The following CCDC141 variants were observed in gnomAD, a reference collection of about 807,000 sequenced individuals.
The protein encoded by CCDC141 is coiled-coil domain-containing protein 141.
In CCDC141, 168 loss-of-function variants were observed where a neutral mutation model predicts 181.0. The observed-to-expected ratio is 0.93, with a 90% CI of 0.82 to 1.05. The LOEUF (loss-of-function observed/expected upper bound fraction) is 1.05, where lower values mean the gene tolerates loss of function less well. Ranked by LOEUF, CCDC141 falls within the 50% of genes least tolerant of loss-of-function variation. CCDC141 has a pLI of 0.00. For synonymous variants in CCDC141, 666 were observed against 642.3 expected (o/e 1.04, Z -0.56); for missense variants, 1,902 against 1,788.5 (o/e 1.06, Z -1.14).
At chr2:178,856,154 G>A (rs1376704327) in intron 18 of CCDC141, 103 bp downstream of exon 18, 7 of 1,065,164 alleles carry the variant, frequency 6.6e-6, no homozygotes, top group African/African-American at 6.3e-5. Context: ...GCTACAAAAA[G>A]CCAGAGTTAG....
chr2:178,849,211 C>A (rs1016422548), intron 21 of CCDC141, among the ~76,000 whole-genome samples: 3 of 152,174 alleles, frequency 2.0e-5, no homozygotes, highest in Non-Finnish European at 2.9e-5. Context: ...ACCACTAGGC[C>A]TCAATAACAA....
intron 3 of CCDC141, among the ~76,000 whole-genome samples, chr2:178,976,465 A>C (rs1691128226): frequency 6.6e-6 from 1 of 152,200 alleles, no homozygotes; most frequent in African/African-American, 2.4e-5. Context: ...GATGAGAGAG[A>C]GACTGAAGAG....
intron 11 of CCDC141, among the ~76,000 whole-genome samples, chr2:178,880,693 A>G (rs1686561662): frequency 6.6e-6 from 1 of 152,224 alleles, no homozygotes; most frequent in South Asian, 2.1e-4. Flanking sequence ...TCCCACATTT[A>G]CAAAATGGGG....
At chr2:179,000,144 A>G (rs2041925410) in intron 2 of CCDC141, among the ~76,000 whole-genome samples, 2 of 151,994 alleles carry the variant, frequency 1.3e-5, no homozygotes, top group Non-Finnish European at 2.9e-5. Flanking sequence ...ACTATGGCTT[A>G]TGATCCAAAT....
At chr2:178,937,480 C>T (rs1181095109) in intron 6 of CCDC141, among the ~76,000 whole-genome samples, 3 of 152,092 alleles carry the variant, frequency 2.0e-5, no homozygotes, top group Admixed American at 2.0e-4. Context: ...ATGTGCTGTT[C>T]AATTTGGTTT....
At chr2:178,948,269 A>T (rs1023732802) in intron 5 of CCDC141, among the ~76,000 whole-genome samples, 3 of 152,118 alleles carry the variant, frequency 2.0e-5, no homozygotes, top group African/African-American at 7.2e-5. Context: ...GGGTTAATTT[A>T]AAAATATTAT....
chr2:178,862,278 A>T (rs1308298988), intron 17 of CCDC141, among the ~76,000 whole-genome samples: 5 of 152,210 alleles, frequency 3.3e-5, no homozygotes, highest in Admixed American at 1.3e-4. Flanking sequence ...ATTATCTGGA[A>T]GTTCTATGTG....
intron 5 of CCDC141, among the ~76,000 whole-genome samples, chr2:178,952,371 A>C (rs1689984866): frequency 6.6e-6 from 1 of 152,266 alleles, no homozygotes; most frequent in African/African-American, 2.4e-5. Context: ...ATTTTAAAAT[A>C]TATAATATTT....
intron 2 of CCDC141, among the ~76,000 whole-genome samples, chr2:179,026,796 T>C (rs954368133): frequency 2.6e-5 from 4 of 152,188 alleles, no homozygotes; most frequent in African/African-American, 7.2e-5. Context: ...CCAAAGACCA[T>C]GGGAACCCAC....
In CCDC141 at chr2:178,831,906, C is replaced by A. The variant is rs1353007356; in HGVS notation, c.*2267G>T. On this transcript the variant is annotated 3_prime_UTR_variant, in exon 24 of 24. Transcript: ENST00000443758. ...TCTCTCTAAAAATGGATTTTGCATG[C>A]TTTTTTCCATCATAACCATGGATGC... 3 of 151,700 alleles carry A rather than the reference C, an allele frequency of 2.0e-5. No individual in the cohort carries two copies. The highest frequency in any genetic ancestry group is 4.8e-5 in the African/African-American group (2 of 41,266). 9.4% of individuals were successfully genotyped at this position (151,700 alleles called of 1,614,324 possible).
At chr2:179,012,117 T>C (rs1020236574) in intron 2 of CCDC141, among the ~76,000 whole-genome samples, 1 of 151,402 alleles carries the variant, frequency 6.6e-6, no homozygotes, top group African/African-American at 2.4e-5. Context: ...ATAACCAAGA[T>C]CAGAACAGAA....
chr2:178,938,662 C>T (rs779230086), intron 6 of CCDC141, among the ~76,000 whole-genome samples: 25 of 152,160 alleles, frequency 1.6e-4, no homozygotes, highest in Middle Eastern at 3.4e-3. Flanking sequence ...AATTTTCTGC[C>T]TTGATTATCT....
chr2:178,856,108 G>A (rs1685373919), intron 18 of CCDC141, 149 bp downstream of exon 18: 1 of 617,282 alleles, frequency 1.6e-6, no homozygotes, highest in African/African-American at 1.8e-5. Flanking sequence ...GGATAAAATT[G>A]TTATAAAAAT....
At chr2:178,898,452 A>C (rs2154372054) in intron 8 of CCDC141, among the ~76,000 whole-genome samples, 1 of 152,328 alleles carries the variant, frequency 6.6e-6, no homozygotes, top group Admixed American at 6.5e-5. Context: ...AAATGGACTA[A>C]GACAACTGTT....
chr2:179,022,624 G>C (rs184756314), intron 2 of CCDC141, among the ~76,000 whole-genome samples: 20 of 152,268 alleles, frequency 1.3e-4, no homozygotes, highest in African/African-American at 4.8e-4. Flanking sequence ...TTCACGATCA[G>C]TGTCTTTCAT....
At chr2:178,906,255 A>G (rs1277222294) in intron 7 of CCDC141, among the ~76,000 whole-genome samples, 1 of 152,226 alleles carries the variant, frequency 6.6e-6, no homozygotes, top group Non-Finnish European at 1.5e-5. Context: ...TGCAGGATTA[A>G]GCTTATAGAA....
chr2:178,937,029 T>G (rs989192806), intron 6 of CCDC141, among the ~76,000 whole-genome samples: 1 of 152,174 alleles, frequency 6.6e-6, no homozygotes, highest in East Asian at 1.9e-4. Context: ...AATCATGTCA[T>G]CTGCAAAAAG....
intron 2 of CCDC141, among the ~76,000 whole-genome samples, chr2:179,020,680 A>T (rs185893644): frequency 5.5e-4 from 84 of 152,248 alleles, no homozygotes; most frequent in Non-Finnish European, 1.0e-3. Context: ...AGTCCATACC[A>T]CACTGGCCCT....
At chr2:178,986,618 G>A (rs1207223878) in intron 2 of CCDC141, among the ~76,000 whole-genome samples, 2 of 151,442 alleles carry the variant, frequency 1.3e-5, no homozygotes, top group African/African-American at 4.8e-5. Flanking sequence ...CTTCAGCAAA[G>A]TCTCAGGATA....
Sources: gnomAD v4.1 joint callset for allele counts (sites outside exome capture counted in the v4.1 genomes callset) on GRCh38, gnomAD v4.1.1 for gene constraint, MANE v1.5 for transcripts, NCBI Gene and HGNC (gene_info 2026-07-23, HGNC 2026-07-21) for gene names.